LRTM1: variants seen among roughly 807,000 people sequenced by gnomAD.
LRTM1 encodes leucine-rich repeat and transmembrane domain-containing protein 1.
Under a neutral mutation model 32.4 loss-of-function variants are expected in LRTM1, and 38 were observed. That is an observed-to-expected ratio of 1.17 (90% CI 0.91 to 1.54). LRTM1 has a LOEUF of 1.54. Among genes scored for constraint, LRTM1 ranks in the 40% most tolerant of loss-of-function variants. The probability of loss-of-function intolerance (pLI) is 0.00; values close to 1 mark genes in which losing one functional copy is unlikely to be tolerated. For synonymous variants in LRTM1, 186 were observed against 169.9 expected, an observed-to-expected ratio of 1.09 and a Z score of -0.74; for missense variants, 466 against 415.4, an observed-to-expected ratio of 1.12 and a Z score of -1.06.
chr3:54,954,974 G>T (rs1456216193), intron 1 of LRTM1, among the ~76,000 whole-genome samples: 1 of 152,124 alleles, frequency 6.6e-6, no homozygotes, highest in Non-Finnish European at 1.5e-5. Flanking sequence ...ATGCTTACTG[G>T]GCACCAGCTA....
intron 1 of LRTM1, among the ~76,000 whole-genome samples, chr3:54,927,616 C>T (rs1371724871): frequency 1.3e-5 from 2 of 152,068 alleles, no homozygotes; most frequent in African/African-American, 4.8e-5. Context: ...CTTTTCCCCC[C>T]AAAGGAATAA....
In LRTM1 at chr3:54,927,610, T is replaced by TC. The variant is rs148206451; in HGVS notation, c.7+294dup. Among the ~76,000 whole-genome samples the TC allele has an allele frequency of 8.3e-3, 1,261 of 152,070 alleles. 17 individuals carry two copies. The highest frequency in any genetic ancestry group is 0.028 in the African/African-American group (1,176 of 41,472). On this transcript the variant is annotated intron_variant, in intron 1 of 2. Transcript: ENST00000273286. ...TTCATTCTTTCTTTGGTTCCACTTT[T>TC]CCCCCCAAAGGAATAATATACGAAC...
chr3:54,942,825 C>G (rs1701507863), intron 1 of LRTM1, among the ~76,000 whole-genome samples: 1 of 152,082 alleles, frequency 6.6e-6, no homozygotes, highest in African/African-American at 2.4e-5. Context: ...GAGATTGAGA[C>G]AATCCTGGCT....
intron 1 of LRTM1, among the ~76,000 whole-genome samples, chr3:54,960,485 A>AT (rs1389399721): frequency 7.3e-5 from 11 of 151,698 alleles, no homozygotes; most frequent in African/African-American, 9.7e-5. Flanking sequence ...TGCTGTGAGA[A>AT]TTTTTTTTTC....
chr3:54,918,688 T>TC lies in LRTM1; in HGVS notation c.808dup (p.Glu270GlyfsTer61), dbSNP rs765402823. The TC allele has an allele frequency of 9.3e-6, 15 of 1,614,050 alleles. No individual in the cohort carries two copies. Among genetic ancestry groups the TC allele is most frequent in the Non-Finnish European group, 1.2e-5 (14 of 1,180,040 alleles). On this transcript the variant is annotated frameshift_variant, in exon 3 of 3. Transcript: ENST00000273286. LOFTEE classifies it high-confidence loss of function. Reference sequence around the variant, plus strand: ...CCTTGGCTTGGGTTTGAGCTCGCACTCCAAGAGTTCTCGCTCCCCCGCGTT... The same window carrying TC: ...CCTTGGCTTGGGTTTGAGCTCGCACTCCCAAGAGTTCTCGCTCCCCCGCGTT...
At chr3:54,945,960 C>A (rs1309064804) in intron 1 of LRTM1, among the ~76,000 whole-genome samples, 1 of 152,220 alleles carries the variant, frequency 6.6e-6, no homozygotes, top group Non-Finnish European at 1.5e-5. Context: ...GGCTCCTGCT[C>A]TTCACAAGAG....
chr3:54,937,512 A>C (rs2048805), intron 1 of LRTM1, among the ~76,000 whole-genome samples: 64,100 of 152,048 alleles, frequency 0.42, 14,960 homozygotes, highest in East Asian at 0.75. Context: ...CAATCTGTGT[A>C]TTAGTGGACC....
chr3:54,936,986 C>G (rs7642981), intron 1 of LRTM1, among the ~76,000 whole-genome samples: 68,889 of 151,926 alleles, frequency 0.45, 16,425 homozygotes, highest in East Asian at 0.75. Context: ...ATGAAGGCAT[C>G]TGGAAAGGCA....
At position 54,946,485 on chromosome 3, in the gene LRTM1, G is replaced by A. The variant is rs545688210; in HGVS notation, c.-222+20443C>T. ...ATATAGAGAGGGGAAGAAAATGAAAGGAGGGGGGATGTGAGGGCCGTTAGC... is the reference window on the plus strand; with the variant it reads ...ATATAGAGAGGGGAAGAAAATGAAAAGAGGGGGGATGTGAGGGCCGTTAGC... On this transcript the variant is annotated intron_variant, in intron 1 of 2. Coordinates refer to the LRTM1 transcript ENST00000493075. 8.5e-5 allele frequency among the ~76,000 whole-genome samples: 13 copies of A among 152,340 alleles called. No homozygotes were observed. In the South Asian group the frequency reaches 2.3e-3, roughly 27 times the overall value.
In LRTM1 at chr3:54,956,960, G is replaced by T. The variant is rs184060982; in HGVS notation, c.-222+9968C>A. ...GTAACTTCTTAGTAGGAGACTTGAGGCCCATAACTTTCTTCTATGACCCTT... is the reference window on the plus strand; with the variant it reads ...GTAACTTCTTAGTAGGAGACTTGAGTCCCATAACTTTCTTCTATGACCCTT... On this transcript the variant is annotated intron_variant, in intron 1 of 2. Transcript: ENST00000493075. Among the ~76,000 whole-genome samples, 28 of 152,076 alleles carry T rather than the reference G, an allele frequency of 1.8e-4. 1 individual carries two copies. In the East Asian group the frequency reaches 2.5e-3, roughly 14 times the overall value.
At chr3:54,966,571 C>A (rs1229601308) in intron 1 of LRTM1, among the ~76,000 whole-genome samples, 1 of 152,178 alleles carries the variant, frequency 6.6e-6, no homozygotes, top group Non-Finnish European at 1.5e-5. Flanking sequence ...GTAATCCCAG[C>A]ACTTTGGGAG....
At chr3:54,952,828 C>T (rs1701792686) in intron 1 of LRTM1, among the ~76,000 whole-genome samples, 4 of 152,242 alleles carry the variant, frequency 2.6e-5, no homozygotes, top group South Asian at 4.2e-4. Context: ...GAGGATTCCA[C>T]GTGCTCTTTG....
At chr3:54,945,819 C>T (rs1436893532) in intron 1 of LRTM1, among the ~76,000 whole-genome samples, 1 of 152,154 alleles carries the variant, frequency 6.6e-6, no homozygotes, top group Non-Finnish European at 1.5e-5. Flanking sequence ...TTGCAGCATG[C>T]AGAGAAGTTA....
upstream of LRTM1, among the ~76,000 whole-genome samples, chr3:54,929,148 A>C (rs144902710): frequency 6.6e-6 from 1 of 152,136 alleles, no homozygotes; most frequent in Non-Finnish European, 1.5e-5. Context: ...TGGCTCCACC[A>C]TCACCAGCTG....
At chr3:54,962,320 C>T (rs1286970999) in intron 1 of LRTM1, among the ~76,000 whole-genome samples, 14 of 152,178 alleles carry the variant, frequency 9.2e-5, no homozygotes, top group Admixed American at 9.2e-4. Flanking sequence ...AATGCATTTG[C>T]TCACTGATAT....
At chr3:54,937,528 A>G (rs1263404137) in intron 1 of LRTM1, among the ~76,000 whole-genome samples, 1 of 152,198 alleles carries the variant, frequency 6.6e-6, no homozygotes, top group African/African-American at 2.4e-5. Context: ...GGACCTGTGC[A>G]GTTCAAACTC....
At position 54,938,221 on chromosome 3, in the gene LRTM1, C is replaced by G. The variant is rs988545686; in HGVS notation, c.-221-13006G>C. On this transcript the variant is annotated intron_variant, in intron 1 of 2. Transcript: ENST00000493075. ...AACCAGCCCTGCTGGGGCTCCAGTA[C>G]TGCCTGGATGGGACGTAACATTTCC... is the stretch of plus-strand genomic sequence containing the variant. Among the ~76,000 whole-genome samples the G allele has an allele frequency of 3.3e-4, 50 of 152,246 alleles. 1 individual carries two copies. Among genetic ancestry groups the G allele is most frequent in the African/African-American group, 9.6e-4 (40 of 41,472 alleles).
intron 2 of LRTM1, among the ~76,000 whole-genome samples, chr3:54,923,569 T>C: frequency 6.6e-6 from 1 of 152,214 alleles, no homozygotes; most frequent in East Asian, 1.9e-4. Context: ...TCATCTTATT[T>C]AACATCTGTT....
At chr3:54,950,706 T>A (rs540660484) in intron 1 of LRTM1, among the ~76,000 whole-genome samples, 4 of 152,148 alleles carry the variant, frequency 2.6e-5, no homozygotes, top group Non-Finnish European at 5.9e-5. Flanking sequence ...ACCCGTTCTT[T>A]TACTGCTCGG....
Sources: gnomAD v4.1 joint callset for allele counts (sites outside exome capture counted in the v4.1 genomes callset) on GRCh38, gnomAD v4.1.1 for gene constraint, MANE v1.5 for transcripts, NCBI Gene and HGNC (gene_info 2026-07-23, HGNC 2026-07-21) for gene names.